JPH4: variants seen among roughly 807,000 people sequenced by gnomAD.
The protein encoded by JPH4 is junctophilin 4.
JPH4 carries 18 observed loss-of-function variants against 57.6 expected under a neutral mutation model. The observed-to-expected ratio is 0.31, with a 90% CI of 0.22 to 0.46. The LOEUF (loss-of-function observed/expected upper bound fraction) is 0.46. Among genes scored for constraint, JPH4 ranks in the 20% least tolerant of loss-of-function variants. The probability of loss-of-function intolerance (pLI) is 1.00; values close to 1 mark genes in which losing one functional copy is unlikely to be tolerated. For missense variants in JPH4, 727 were observed against 911.1 expected (o/e 0.80, Z 2.60); for synonymous variants, 425 against 406.6 (o/e 1.05, Z -0.54).
Position 23,576,571 on chromosome 14 carries a change from T to A in JPH4, c.380-115A>T. ...CGTCAGGCGGGAGAGATGGAGGCAG[T>A]TAGTGTGGAGGTCGGGGAAGGGCAC... On this transcript the variant is annotated intron_variant, in intron 2 of 5. Coordinates refer to ENST00000356300, the MANE Select transcript of JPH4 (RefSeq NM_001146028.2). The surrounding 1 kb of genome is among the most constrained non-coding windows in gnomAD (Gnocchi z 8.0). 2 of 910,640 alleles carry A rather than the reference T, an allele frequency of 2.2e-6. No individual in the cohort carries two copies. The highest frequency in any genetic ancestry group is 2.9e-6 in the Non-Finnish European group (2 of 679,920). 56.4% of individuals were successfully genotyped at this position (910,640 alleles called of 1,614,324 possible).
In JPH4 at chr14:23,571,776, C is replaced by T; in HGVS notation, c.1270+26G>A. On this transcript the variant is annotated intron_variant, in intron 4 of 5. Transcript: ENST00000356300. The surrounding 1 kb of genome is among the most constrained non-coding windows in gnomAD (Gnocchi z 4.6). ...TCTAGCTCCCTAGGGGCCTCACTGC[C>T]CTCCCCCCAGCTGTCCATGCCTCAC... The T allele has an allele frequency of 6.3e-7, 1 of 1,596,558 alleles. No individual in the cohort carries two copies. Among genetic ancestry groups the T allele is most frequent in the South Asian group, 1.1e-5 (1 of 90,826 alleles).
At position 23,571,476 on chromosome 14, in the gene JPH4, T is replaced by C; in HGVS notation, c.1271-16A>G. The C allele has an allele frequency of 6.3e-7, 1 of 1,595,010 alleles. No individual in the cohort carries two copies. The highest frequency in any genetic ancestry group is 8.5e-7 in the Non-Finnish European group (1 of 1,177,946). ...GGTCTGCGGCCTGGGTAGGGATAGC[T>C]GAGAATCAGAGGGGCCTAACTGGCC... On this transcript the variant is annotated splice_polypyrimidine_tract_variant and intron_variant, in intron 4 of 5. Coordinates refer to ENST00000356300, the MANE Select transcript of JPH4 (RefSeq NM_001146028.2). This position sits in a 1 kb window ranked among gnomAD's most constrained non-coding sequence, Gnocchi z 4.6.
rs1434886327 is a variant in JPH4 at position 23,575,091 on chromosome 14, T to G, written c.1151+594A>C. 1 of 153,554 alleles carries G rather than the reference T, an allele frequency of 6.5e-6. No individual in the cohort carries two copies. The allele number at this position is 153,554 out of a possible 1,614,324, so 9.5% of individuals were successfully genotyped here. ...GAAACGTTTCATTTACAGGGAAGCC[T>G]CCTCCCCTCAAACCTCCCATCAGTT... is the stretch of plus-strand genomic sequence containing the variant. On this transcript the variant is annotated intron_variant, in intron 3 of 5. Transcript: ENST00000356300. This position sits in a 1 kb window ranked among gnomAD's most constrained non-coding sequence, Gnocchi z 6.9.
rs1418149727 is a variant in JPH4 at position 23,576,227 on chromosome 14, G to T, written c.609C>A (p.Ala203=). The T allele has an allele frequency of 2.4e-6, 3 of 1,272,124 alleles. No homozygotes were observed. The highest frequency in any genetic ancestry group is 3.0e-4 in the Middle Eastern group (1 of 3,368). The allele number at this position is 1,272,124 out of a possible 1,614,324, so 78.8% of individuals were successfully genotyped here. The change falls in exon 3 of 6, where the codon GCC becomes GCA. Residue 203 remains alanine (A), a synonymous_variant. Coordinates refer to ENST00000356300, the MANE Select transcript of JPH4 (RefSeq NM_001146028.2). This position sits in a 1 kb window ranked among gnomAD's most constrained non-coding sequence, Gnocchi z 8.0. ...GGFVLAGPGD[A]DGASSRKRTP... ...TGCGCTTTCGGGACGACGCGCCGTC[G>T]GCGTCCCCGGGCCCGGCCAGCACGA...
chr14:23,574,360 A>T (rs1250426292), intron 3 of JPH4, among the ~76,000 whole-genome samples: 1 of 152,042 alleles, frequency 6.6e-6, no homozygotes, highest in Non-Finnish European at 1.5e-5. Context: ...TTTTTAGTAG[A>T]CAGGGTTTCC....
In JPH4 at chr14:23,577,529, G is replaced by A. The variant is rs1889304925; in HGVS notation, c.-76C>T. 7.9e-7 allele frequency: 1 copy of A among 1,263,332 alleles called. No individual in the cohort carries two copies. Among genetic ancestry groups the A allele is most frequent in the African/African-American group, 1.6e-5 (1 of 63,634 alleles). 78.3% of individuals were successfully genotyped at this position (1,263,332 alleles called of 1,614,324 possible). ...ACTGGAGAGCCTGCTGGGGGCCTTGGAGCCGGGCGAGGCCTCGGGGCGGGG... is the reference window on the plus strand; with the variant it reads ...ACTGGAGAGCCTGCTGGGGGCCTTGAAGCCGGGCGAGGCCTCGGGGCGGGG... On this transcript the variant is annotated 5_prime_UTR_variant, in exon 2 of 6. Coordinates refer to ENST00000356300, the MANE Select transcript of JPH4 (RefSeq NM_001146028.2). This position sits in a 1 kb window ranked among gnomAD's most constrained non-coding sequence, Gnocchi z 8.4.
Position 23,577,605 on chromosome 14 carries a change from C to G in JPH4, c.-152G>C. The stretch of plus-strand genomic sequence containing the variant: ...GGGCCCCAGCGAGGGCAGGCAGGGC[C>G]GGACCCTCATCCTGAGTGGCTGCGG... On this transcript the variant is annotated 5_prime_UTR_variant, in exon 2 of 6. Coordinates refer to ENST00000356300, the MANE Select transcript of JPH4 (RefSeq NM_001146028.2). The surrounding 1 kb of genome is among the most constrained non-coding windows in gnomAD (Gnocchi z 8.4). 2 of 541,080 alleles carry G rather than the reference C, an allele frequency of 3.7e-6. No homozygotes were observed. Among genetic ancestry groups the G allele is most frequent in the Non-Finnish European group, 6.1e-6 (2 of 330,440 alleles). The allele number at this position is 541,080 out of a possible 1,614,324, so 33.5% of individuals were successfully genotyped here.
In JPH4 at chr14:23,569,465, G is replaced by A. The variant is rs1406367594; in HGVS notation, c.*169C>T. The A allele has an allele frequency of 1.6e-6, 1 of 637,044 alleles. No homozygotes were observed. The highest frequency in any genetic ancestry group is 2.8e-6 in the Non-Finnish European group (1 of 353,618). 39.5% of individuals were successfully genotyped at this position (637,044 alleles called of 1,614,324 possible). ...GAAGAAATGAGATAATCTGAAAGAA[G>A]ACAGGGAAAGAAAAAGCGAGAGAAA... On this transcript the variant is annotated 3_prime_UTR_variant, in exon 6 of 6. Coordinates refer to ENST00000356300, the MANE Select transcript of JPH4 (RefSeq NM_001146028.2). The surrounding 1 kb of genome is among the most constrained non-coding windows in gnomAD (Gnocchi z 4.8).
intron 5 of JPH4, among the ~76,000 whole-genome samples, chr14:23,570,489 A>G (rs949959425): frequency 6.7e-5 from 10 of 149,738 alleles, no homozygotes; most frequent in Admixed American, 6.1e-4. Flanking sequence ...CTCCTGCCTC[A>G]GCCTCCCAAG....
At chr14:23,573,284 G>A (rs1176354946) in intron 3 of JPH4, among the ~76,000 whole-genome samples, 1 of 152,194 alleles carries the variant, frequency 6.6e-6, no homozygotes, top group African/African-American at 2.4e-5. Flanking sequence ...CAGATAACGT[G>A]GCTCTTCTGT....
In JPH4 at chr14:23,568,914, G is replaced by A; in HGVS notation, c.*720C>T. 1 of 550,896 alleles carries A rather than the reference G, an allele frequency of 1.8e-6. No homozygotes were observed. The highest frequency in any genetic ancestry group is 2.3e-6 in the Non-Finnish European group (1 of 432,826). The allele number at this position is 550,896 out of a possible 1,614,324, so 34.1% of individuals were successfully genotyped here. On this transcript the variant is annotated 3_prime_UTR_variant, in exon 6 of 6. Coordinates refer to ENST00000356300, the MANE Select transcript of JPH4 (RefSeq NM_001146028.2). ...TTACACGTTGCTCTTGGCATGGCAT[G>A]CCACCAGAGGGGGCTGGAGGAGGGG... is the stretch of plus-strand genomic sequence containing the variant.
chr14:23,576,250 C>G lies in JPH4; in HGVS notation c.586G>C (p.Val196Leu). 1 of 1,269,566 alleles carries G rather than the reference C, an allele frequency of 7.9e-7. No homozygotes were observed. The allele number at this position is 1,269,566 out of a possible 1,614,324, so 78.6% of individuals were successfully genotyped here. Residue 196 changes from valine to leucine, a missense_variant, in exon 3 of 6, where the codon GTG (valine) becomes CTG (leucine). Val to Leu is a conservative substitution (Grantham distance 32, BLOSUM62 1). Transcript: ENST00000356300. This position sits in a 1 kb window ranked among gnomAD's most constrained non-coding sequence, Gnocchi z 8.0. ...SPASGSRGGF[V>L]LAGPGDADGA... ...TCGGCGTCCCCGGGCCCGGCCAGCA[C>G]GAAGCCGCCCCGGGAGCCCGAGGCG...
Position 23,570,932 on chromosome 14 carries a change from T to G in JPH4, c.1799A>C (p.Gln600Pro), listed in dbSNP as rs1417468594. 3.3e-6 allele frequency: 5 copies of G among 1,509,416 alleles called. No individual in the cohort carries two copies. Among genetic ancestry groups the G allele is most frequent in the Admixed American group, 2.3e-5 (1 of 43,062 alleles). 93.5% of individuals were successfully genotyped at this position (1,509,416 alleles called of 1,614,324 possible). A position where few individuals can be genotyped will look rare whatever the true frequency, so the allele number is the denominator to read the frequency against. The change falls in exon 5 of 6, where the codon CAG (glutamine) becomes CCG (proline). Residue 600 changes from glutamine to proline, a missense_variant. This residue lies in a region of JPH4 where 293 missense variants were observed against 279.8 expected (regional missense o/e 1.05). Coordinates refer to ENST00000356300, the MANE Select transcript of JPH4 (RefSeq NM_001146028.2). ...GEPAATERPA[Q>P]PGAANPLVVG... ...AGCAGGGACAGAGGATCTCACCGGC[T>G]GGGCAGGCCTCTCGGTTGCAGCGGG... is the stretch of plus-strand genomic sequence containing the variant.
At position 23,569,193 on chromosome 14, in the gene JPH4, CCTT is replaced by C. The variant is rs202005499; in HGVS notation, c.*438_*440del. 231 of 208,254 alleles carry C rather than the reference CCTT, an allele frequency of 1.1e-3. 3 individuals are homozygous for C. The East Asian group carries it at 0.016, about 15-fold the overall frequency. The allele number at this position is 208,254 out of a possible 1,614,324, so 12.9% of individuals were successfully genotyped here. A position where few individuals can be genotyped will look rare whatever the true frequency, so the allele number is the denominator to read the frequency against. ...GTGCCTTGCCCGACATTCAATCACT[CCTT>C]CTTCATTTTCTTCCTCCTCTCCATT... On this transcript the variant is annotated 3_prime_UTR_variant, in exon 6 of 6. Transcript: ENST00000356300. This position sits in a 1 kb window ranked among gnomAD's most constrained non-coding sequence, Gnocchi z 4.8.
intron 3 of JPH4, chr14:23,572,801 C>T (rs1007090136): frequency 2.9e-6 from 2 of 694,856 alleles, no homozygotes; most frequent in African/African-American, 3.5e-5. Context: ...TCTGGCTAAA[C>T]CCTTAGTCTC....
chr14:23,577,682 C>G lies in JPH4; in HGVS notation c.-171-58G>C, dbSNP rs1355723131. The G allele has an allele frequency of 1.2e-5, 5 of 404,688 alleles. No individual in the cohort carries two copies. Among genetic ancestry groups the G allele is most frequent in the Admixed American group, 4.5e-5 (1 of 22,390 alleles). 25.1% of individuals were successfully genotyped at this position (404,688 alleles called of 1,614,324 possible). ...AGAGAGGCCCCTCCTCTTTGCCCGC[C>G]GCTCCCTGGCCCGGTGGCTCTGGGG... On this transcript the variant is annotated intron_variant, in intron 1 of 5. Coordinates refer to ENST00000356300, the MANE Select transcript of JPH4 (RefSeq NM_001146028.2). The surrounding 1 kb of genome is among the most constrained non-coding windows in gnomAD (Gnocchi z 8.4).
In JPH4 at chr14:23,571,206, G is replaced by A; in HGVS notation, c.1525C>T (p.Leu509=). 6.2e-7 allele frequency: 1 copy of A among 1,613,958 alleles called. No homozygotes were observed. The highest frequency in any genetic ancestry group is 8.5e-7 in the Non-Finnish European group (1 of 1,179,948). ...WGGAGAQAEE[L]AGYEAEDEAG... is the part of the protein sequence containing the mutation. ...TCATCCTCAGCCTCATAGCCAGCTA[G>A]TTCCTCTGCCTGTGCGCCTGCCCCC... The change falls in exon 5 of 6, where the codon CTA becomes TTA. Residue 509 remains leucine (L), a synonymous_variant. Transcript: ENST00000356300. This position sits in a 1 kb window ranked among gnomAD's most constrained non-coding sequence, Gnocchi z 4.6.
Position 23,576,365 on chromosome 14 carries a change from C to A in JPH4, c.471G>T (p.Ser157=). The A allele has an allele frequency of 7.5e-7, 1 of 1,338,604 alleles. No individual in the cohort carries two copies. Among genetic ancestry groups the A allele is most frequent in the Non-Finnish European group, 9.5e-7 (1 of 1,049,274 alleles). The allele number at this position is 1,338,604 out of a possible 1,614,324, so 82.9% of individuals were successfully genotyped here. ...CGGAATCCAGGGAGGTGCGGCGGGG[C>A]GAGCGCAGCAGCGCCGCCTGATGGT... The part of the protein sequence containing the change: ...VPYHQAALLR[S]PRRTSLDSGH... Residue 157 remains serine, a synonymous_variant, in exon 3 of 6, where the codon TCG becomes TCT. Transcript: ENST00000356300. The surrounding 1 kb of genome is among the most constrained non-coding windows in gnomAD (Gnocchi z 8.0).
At position 23,577,790 on chromosome 14, in the gene JPH4, C is replaced by G. The variant is rs1889313009; in HGVS notation, c.-171-166G>C. 4.8e-6 allele frequency: 1 copy of G among 207,654 alleles called. No individual in the cohort carries two copies. 12.9% of individuals were successfully genotyped at this position (207,654 alleles called of 1,614,324 possible). ...CAAGCTTTGGGGGAATGGGGGCTTC[C>G]CCCATTTCTGTCTTTGTGGAGCGGG... On this transcript the variant is annotated intron_variant, in intron 1 of 5. Coordinates refer to ENST00000356300, the MANE Select transcript of JPH4 (RefSeq NM_001146028.2). This position sits in a 1 kb window ranked among gnomAD's most constrained non-coding sequence, Gnocchi z 8.4.
Sources: allele counts gnomAD v4.1 joint callset (sites outside exome capture counted in the v4.1 genomes callset), GRCh38; gene constraint gnomAD v4.1.1; regional missense constraint gnomAD v4.1.1; non-coding constraint Gnocchi (gnomAD v3.1); transcripts MANE v1.5; gene names NCBI Gene and HGNC (gene_info 2026-07-23, HGNC 2026-07-21).